The following TBC1D22A variants were observed in gnomAD, a reference collection of about 807,000 sequenced individuals.
The protein encoded by TBC1D22A is TBC1 domain family member 22A.
In TBC1D22A, 38 loss-of-function variants were observed where a neutral mutation model predicts 60.2. That is an observed-to-expected ratio of 0.63 (90% CI 0.49 to 0.83). TBC1D22A has a LOEUF of 0.83. TBC1D22A is among the 40% of genes least tolerant of loss of function. The pLI is 0.00. For synonymous variants in TBC1D22A, 302 were observed against 281.7 expected (o/e 1.07, Z -0.72); for missense variants, 628 against 701.0 (o/e 0.90, Z 1.18).
chr22:46,980,375 G>A (rs2074467758), intron 9 of TBC1D22A, among the ~76,000 whole-genome samples: 1 of 152,196 alleles, frequency 6.6e-6, no homozygotes. Flanking sequence ...TAGAGACGGG[G>A]TTTCACCATG....
At chr22:47,093,801 T>C (rs1351856726) in intron 11 of TBC1D22A, among the ~76,000 whole-genome samples, 1 of 152,202 alleles carries the variant, frequency 6.6e-6, no homozygotes, top group Non-Finnish European at 1.5e-5. Context: ...TTATTCTGGA[T>C]GTCTCTCCGA....
chr22:46,994,652 T>TA (rs2075058371), intron 9 of TBC1D22A, among the ~76,000 whole-genome samples: 1 of 152,236 alleles, frequency 6.6e-6, no homozygotes, highest in Non-Finnish European at 1.5e-5. Flanking sequence ...ATTCATTAAA[T>TA]AATCTTAGGA....
intron 5 of TBC1D22A, among the ~76,000 whole-genome samples, chr22:46,883,665 C>T (rs2067964111): frequency 6.6e-6 from 1 of 152,236 alleles, no homozygotes; most frequent in Non-Finnish European, 1.5e-5. Flanking sequence ...TGTCAGGCTG[C>T]CTACACCACG....
At chr22:46,829,697 G>T (rs532713225) in intron 4 of TBC1D22A, among the ~76,000 whole-genome samples, 2 of 152,204 alleles carry the variant, frequency 1.3e-5, no homozygotes, top group Non-Finnish European at 2.9e-5. Flanking sequence ...TATTCATCCC[G>T]ATGGGGCCAG....
intron 5 of TBC1D22A, among the ~76,000 whole-genome samples, chr22:46,880,827 G>T (rs969840414): frequency 6.6e-6 from 1 of 152,166 alleles, no homozygotes; most frequent in Non-Finnish European, 1.5e-5. Context: ...ACGGATGAAC[G>T]TGGTGGTTCT....
intron 12 of TBC1D22A, among the ~76,000 whole-genome samples, chr22:47,135,594 G>A (rs900012216): frequency 6.6e-6 from 1 of 152,230 alleles, no homozygotes; most frequent in East Asian, 1.9e-4. Flanking sequence ...ATGGCCCAAG[G>A]CAAGGATGAG....
At chr22:46,822,957 T>G (rs2085892135) in intron 4 of TBC1D22A, among the ~76,000 whole-genome samples, 1 of 152,092 alleles carries the variant, frequency 6.6e-6, no homozygotes, top group Non-Finnish European at 1.5e-5. Flanking sequence ...AGAGACCCCA[T>G]CATTCCTGGG....
chr22:47,077,720 ACGGGGACCATGGGATCAGTGAG>A lies in TBC1D22A; in HGVS notation c.1330-33786_1330-33765del, dbSNP rs374040124. ...CACCGAAGGCTGCGGTGGCAGAAGC[ACGGGGACCATGGGATCAGTGAG>A]CAGGGCCATTGGGCTTAGTCTGAGG... On this transcript the variant is annotated intron_variant, in intron 11 of 12. Transcript: ENST00000337137. Among the ~76,000 whole-genome samples the A allele has an allele frequency of 2.0e-4, 31 of 152,352 alleles. 1 individual carries two copies. Among genetic ancestry groups the A allele is most frequent in the African/African-American group, 7.5e-4 (31 of 41,572 alleles).
intron 1 of TBC1D22A, among the ~76,000 whole-genome samples, chr22:46,767,768 C>T (rs957232455): frequency 7.2e-5 from 11 of 152,044 alleles, no homozygotes; most frequent in African/African-American, 2.4e-4. Flanking sequence ...TGGGGAAGAG[C>T]GGTCCTGGCA....
At chr22:47,140,212 C>T (rs2067026752) in intron 12 of TBC1D22A, among the ~76,000 whole-genome samples, 1 of 151,940 alleles carries the variant, frequency 6.6e-6, no homozygotes. Context: ...CGTGCTGAGT[C>T]TGCCTATTCT....
chr22:46,855,856 G>A (rs2087541622), intron 4 of TBC1D22A, among the ~76,000 whole-genome samples: 1 of 152,154 alleles, frequency 6.6e-6, no homozygotes, highest in Non-Finnish European at 1.5e-5. Flanking sequence ...GGATTATGTT[G>A]CTTTGCCTTC....
At chr22:46,871,180 C>A (rs1340794238) in intron 4 of TBC1D22A, among the ~76,000 whole-genome samples, 2 of 152,108 alleles carry the variant, frequency 1.3e-5, no homozygotes, top group African/African-American at 2.4e-5. Flanking sequence ...AGAGATGAGT[C>A]CTAAATGTGT....
intron 8 of TBC1D22A, among the ~76,000 whole-genome samples, chr22:46,917,720 C>T (rs1219298252): frequency 2.6e-5 from 4 of 152,074 alleles, no homozygotes; most frequent in African/African-American, 9.7e-5. Flanking sequence ...TGCTGACAGT[C>T]GCGGCTGTGG....
intron 4 of TBC1D22A, among the ~76,000 whole-genome samples, chr22:46,801,444 T>C (rs190668012): frequency 6.6e-6 from 1 of 152,376 alleles, no homozygotes; most frequent in Non-Finnish European, 1.5e-5. Context: ...TTTCTTTGTT[T>C]AGCTTACGCT....
chr22:47,082,606 G>A (rs1262399341), intron 11 of TBC1D22A, among the ~76,000 whole-genome samples: 1 of 152,192 alleles, frequency 6.6e-6, no homozygotes, highest in African/African-American at 2.4e-5. Context: ...ATATTCTGAT[G>A]GCCAACAAAC....
At chr22:47,104,358 C>T (rs1051653265) in intron 11 of TBC1D22A, among the ~76,000 whole-genome samples, 11 of 151,474 alleles carry the variant, frequency 7.3e-5, no homozygotes, top group Admixed American at 2.0e-4. Context: ...TTCTTCCAGG[C>T]CCTCCCAATC....
intron 4 of TBC1D22A, among the ~76,000 whole-genome samples, chr22:46,808,874 G>A (rs191459418): frequency 1.1e-4 from 16 of 152,338 alleles, no homozygotes; most frequent in African/African-American, 2.6e-4. Context: ...GATTACAGGC[G>A]TGAGCCACCG....
At chr22:46,792,249 G>A (rs991462873) in intron 1 of TBC1D22A, among the ~76,000 whole-genome samples, 2 of 149,662 alleles carry the variant, frequency 1.3e-5, no homozygotes, top group Admixed American at 6.6e-5. Flanking sequence ...GGTCTGTGGT[G>A]GTGCTTGTCG....
chr22:46,793,715 C>T lies in TBC1D22A; in HGVS notation c.334C>T (p.Pro112Ser). 2 of 1,610,566 alleles carry T rather than the reference C, an allele frequency of 1.2e-6. No individual in the cohort carries two copies. Among genetic ancestry groups the T allele is most frequent in the Non-Finnish European group, 1.7e-6 (2 of 1,179,198 alleles). The change falls in exon 3 of 13, where the codon CCC becomes TCC. Residue 112 changes from proline (P) to serine (S), a missense_variant. Coordinates refer to ENST00000337137, the MANE Select transcript of TBC1D22A (RefSeq NM_014346.5). ...LRNHSQRQGR[P>S]TLQEGPGLQQ... The stretch of plus-strand genomic sequence containing the variant: ...TAACCACAGCCAGCGGCAGGGGCGG[C>T]CCACGCTGCAGGAGGGGCCAGGGCT...
Sources: allele counts gnomAD v4.1 joint callset (sites outside exome capture counted in the v4.1 genomes callset), GRCh38; gene constraint gnomAD v4.1.1; transcripts MANE v1.5; gene names NCBI Gene and HGNC (gene_info 2026-07-23, HGNC 2026-07-21).